Variants in RIN2 observed in about 807,000 individuals in gnomAD.
RIN2 encodes the protein Ras and Rab interactor 2.
A neutral mutation model predicts 78.0 loss-of-function variants in RIN2; 36 were observed. The ratio of observed to expected loss-of-function variants is 0.46; its 90% CI spans 0.35 to 0.61. The LOEUF (loss-of-function observed/expected upper bound fraction) is 0.61. Among genes scored for constraint, RIN2 ranks in the 20% least tolerant of loss-of-function variants. RIN2 has a pLI of 0.00. For missense variants in RIN2, 1,087 were observed against 1,159.7 expected (o/e 0.94, Z 0.91); for synonymous variants, 466 against 466.8 (o/e 1.00, Z 0.02).
intron 1 of RIN2, among the ~76,000 whole-genome samples, chr20:19,782,354 C>T (rs2034538075): frequency 6.6e-6 from 1 of 151,978 alleles, no homozygotes; most frequent in African/African-American, 2.4e-5. Flanking sequence ...CACATGAGGC[C>T]AGGAGTTTGA....
intron 4 of RIN2, among the ~76,000 whole-genome samples, chr20:19,939,270 AT>A (rs2040768838): frequency 6.6e-6 from 1 of 152,140 alleles, no homozygotes; most frequent in Non-Finnish European, 1.5e-5. Flanking sequence ...CTGATCTCGA[AT>A]TCCTGGCCTC....
At chr20:19,804,941 T>C (rs184532657) in intron 2 of RIN2, among the ~76,000 whole-genome samples, 231 of 152,326 alleles carry the variant, frequency 1.5e-3, no homozygotes, top group African/African-American at 5.0e-3. Flanking sequence ...TATTCAGGGA[T>C]TCAACTTCTT....
chr20:19,920,295 CAAAA>C (rs34086663), intron 3 of RIN2, among the ~76,000 whole-genome samples: 3 of 95,342 alleles, frequency 3.1e-5, no homozygotes, highest in Admixed American at 2.1e-4. Context: ...GACTCTGTCT[CAAAA>C]AAAAAAAAAA....
chr20:19,799,716 T>C lies in RIN2; in HGVS notation c.-68T>C, dbSNP rs1236750068. On this transcript the variant is annotated 5_prime_UTR_variant, in exon 2 of 13. Transcript: ENST00000255006. ...CTGGGGAGGTTGGGCTGAACTGCAG[T>C]GGGAGAGGAGAAGAGATGCTGGCGT... 1 of 151,980 alleles carries C rather than the reference T, an allele frequency of 6.6e-6. No homozygotes were observed. Among genetic ancestry groups the C allele is most frequent in the Non-Finnish European group, 1.5e-5 (1 of 67,998 alleles). The allele number at this position is 151,980 out of a possible 1,614,324, so 9.4% of individuals were successfully genotyped here. A position where few individuals can be genotyped will look rare whatever the true frequency, so the allele number is the denominator to read the frequency against.
At chr20:19,805,712 G>A (rs2035388069) in intron 2 of RIN2, among the ~76,000 whole-genome samples, 1 of 151,744 alleles carries the variant, frequency 6.6e-6, no homozygotes, top group South Asian at 2.1e-4. Flanking sequence ...CAAGTTACAA[G>A]GACTTTTTTT....
chr20:19,906,837 G>C (rs990244003), intron 3 of RIN2, among the ~76,000 whole-genome samples: 2 of 152,222 alleles, frequency 1.3e-5, no homozygotes, highest in African/African-American at 4.8e-5. Flanking sequence ...GCATGGATGA[G>C]TGTCCTATAG....
At chr20:19,782,267 C>T (rs1023964928) in intron 1 of RIN2, among the ~76,000 whole-genome samples, 2 of 152,146 alleles carry the variant, frequency 1.3e-5, no homozygotes, top group African/African-American at 4.8e-5. Context: ...GCATGAGATA[C>T]GTATTTTAAA....
chr20:19,928,043 T>C (rs13037972), intron 3 of RIN2, among the ~76,000 whole-genome samples: 13,855 of 152,024 alleles, frequency 0.091, 1,081 homozygotes, highest in African/African-American at 0.21. Context: ...GCTGGGACTA[T>C]AGGTGCACAC....
chr20:19,860,705 T>G (rs2037307454), intron 2 of RIN2, among the ~76,000 whole-genome samples: 1 of 152,232 alleles, frequency 6.6e-6, no homozygotes, highest in Non-Finnish European at 1.5e-5. Flanking sequence ...TCACTCCCCA[T>G]GGAGTCTGGA....
chr20:19,916,420 T>C (rs2039686936), intron 3 of RIN2, among the ~76,000 whole-genome samples: 1 of 151,610 alleles, frequency 6.6e-6, no homozygotes, highest in African/African-American at 2.4e-5. Context: ...GGAGTTTGAG[T>C]CCATCCTGGA....
chr20:19,949,500 A>G (rs2041229338), intron 4 of RIN2, among the ~76,000 whole-genome samples: 1 of 152,262 alleles, frequency 6.6e-6, no homozygotes, highest in Middle Eastern at 3.4e-3. Flanking sequence ...TTTGCCTTGA[A>G]CTTTATTTTT....
rs1459768870 is a variant in RIN2 at position 20,000,705 on chromosome 20, T to C, written c.2457T>C (p.Cys819=). The C allele has an allele frequency of 3.1e-6, 5 of 1,613,860 alleles. No homozygotes were observed. Among genetic ancestry groups the C allele is most frequent in the East Asian group, 4.5e-5 (2 of 44,896 alleles). The change falls in exon 13 of 13, where the codon TGT becomes TGC. Residue 819 remains cysteine (C), a synonymous_variant. Transcript: ENST00000255006. ...CTTACATCACCACTGAGGATGTGTG[T>C]CAGATCTGCGCTGAGAAGTTCAAGG... ...VRPYITTEDV[C]QICAEKFKVG...
chr20:19,811,348 G>A (rs1220416061), intron 2 of RIN2, among the ~76,000 whole-genome samples: 1 of 152,126 alleles, frequency 6.6e-6, no homozygotes, highest in Admixed American at 6.5e-5. Context: ...AAGGGAGCTG[G>A]GGTGTTTATC....
intron 3 of RIN2, among the ~76,000 whole-genome samples, chr20:19,902,520 A>T (rs1045198096): frequency 6.6e-6 from 1 of 152,190 alleles, no homozygotes; most frequent in African/African-American, 2.4e-5. Flanking sequence ...AAAGGCCACC[A>T]GGAGGACATC....
At chr20:19,853,985 T>A (rs2037078471) in intron 2 of RIN2, among the ~76,000 whole-genome samples, 1 of 152,186 alleles carries the variant, frequency 6.6e-6, no homozygotes, top group South Asian at 2.1e-4. Flanking sequence ...ATTGCCTAGG[T>A]TTTCTTCTAG....
At chr20:19,978,047 A>G (rs141545313) in intron 9 of RIN2, among the ~76,000 whole-genome samples, 2 of 152,264 alleles carry the variant, frequency 1.3e-5, no homozygotes, top group Non-Finnish European at 2.9e-5. Flanking sequence ...CCTAACTATT[A>G]GAAAGCCAGT....
chr20:19,782,394 G>A (rs62200334), intron 1 of RIN2, among the ~76,000 whole-genome samples: 10,094 of 151,910 alleles, frequency 0.066, 543 homozygotes, highest in African/African-American at 0.15. Flanking sequence ...GTGAAACCCC[G>A]CTTCTACTAA....
intron 2 of RIN2, among the ~76,000 whole-genome samples, chr20:19,848,889 G>A (rs1239231470): frequency 6.6e-6 from 1 of 152,106 alleles, no homozygotes; most frequent in Non-Finnish European, 1.5e-5. Context: ...CACTTGGGAG[G>A]AAATTCAACA....
At chr20:19,831,345 G>A (rs952023604) in intron 2 of RIN2, among the ~76,000 whole-genome samples, 10 of 152,216 alleles carry the variant, frequency 6.6e-5, no homozygotes, top group African/African-American at 2.4e-4. Context: ...GGGAAGTACA[G>A]ACATCCAAGT....
Sources: allele counts gnomAD v4.1 joint callset (sites outside exome capture counted in the v4.1 genomes callset), GRCh38; gene constraint gnomAD v4.1.1; transcripts MANE v1.5; gene names NCBI Gene and HGNC (gene_info 2026-07-23, HGNC 2026-07-21).